LPAR5: variants seen among roughly 807,000 people sequenced by gnomAD.
LPAR5 encodes G protein-coupled receptor 92.
For synonymous variants in LPAR5, 271 were observed against 261.6 expected (o/e 1.04, Z -0.35); for missense variants, 544 against 521.8 (o/e 1.04, Z -0.41).
At chr12:6,633,188 A>G (rs995819020) in intron 1 of LPAR5, among the ~76,000 whole-genome samples, 2 of 152,154 alleles carry the variant, frequency 1.3e-5, no homozygotes, top group African/African-American at 4.8e-5. Flanking sequence ...CGAGAGCTGG[A>G]AAAGCAAGAA....
At chr12:6,633,478 T>C (rs903519626) in intron 1 of LPAR5, among the ~76,000 whole-genome samples, 1 of 151,740 alleles carries the variant, frequency 6.6e-6, no homozygotes, top group Non-Finnish European at 1.5e-5. Flanking sequence ...AGTGGTGCAA[T>C]CTCAGCTCAC....
intron 1 of LPAR5, among the ~76,000 whole-genome samples, chr12:6,628,028 CTT>C (rs71067128): frequency 5.9e-5 from 8 of 134,484 alleles, no homozygotes; most frequent in African/African-American, 2.2e-4. Context: ...TTTCTTTTTT[CTT>C]TTTTTTTTTG....
chr12:6,620,208 G>GGCGGCAT lies in LPAR5; in HGVS notation c.1034_1040dup (p.Ser348CysfsTer96), dbSNP rs1362523421. Reference sequence around the variant, plus strand: ...CGGAGGGTCGGAGCAGCCCCTGACTGGCGGCATCCGGCCTGGTGGCGTCGG... The same window carrying GGCGGCAT: ...CGGAGGGTCGGAGCAGCCCCTGACTGGCGGCATGCGGCATCCGGCCTGGTGGCGTCGG... On this transcript the variant is annotated frameshift_variant, in exon 2 of 2. Coordinates refer to ENST00000329858, the MANE Select transcript of LPAR5 (RefSeq NM_020400.6). LOFTEE classifies it low-confidence loss of function (END_TRUNC). The surrounding 1 kb of genome is among the most constrained non-coding windows in gnomAD (Gnocchi z 6.8). The GGCGGCAT allele has an allele frequency of 6.2e-7, 1 of 1,612,894 alleles. No individual in the cohort carries two copies. Among genetic ancestry groups the GGCGGCAT allele is most frequent in the East Asian group, 2.2e-5 (1 of 44,858 alleles).
In LPAR5 at chr12:6,619,739, C is replaced by T. The variant is rs192776787; in HGVS notation, c.*391G>A. On this transcript the variant is annotated 3_prime_UTR_variant, in exon 2 of 2. Coordinates refer to ENST00000329858, the MANE Select transcript of LPAR5 (RefSeq NM_020400.6). ...ATCTCAGTAGCTTTGTCCACCAAAC[C>T]TGGTGCTCTTCAGCTCTCAGGCCCC... 5.4e-6 allele frequency: 2 copies of T among 372,138 alleles called. No individual in the cohort carries two copies. Among genetic ancestry groups the T allele is most frequent in the Admixed American group, 3.7e-5 (1 of 27,370 alleles). 23.1% of individuals were successfully genotyped at this position (372,138 alleles called of 1,614,324 possible). A position where few individuals can be genotyped will look rare whatever the true frequency, so the allele number is the denominator to read the frequency against.
Position 6,619,831 on chromosome 12 carries a change from C to T in LPAR5, c.*299G>A, listed in dbSNP as rs1592295474. ...TAACCAGCTTTTAGCAGTTTAATGC[C>T]CTGCCCACCCAAAGGCATTTCGTCC... is the stretch of plus-strand genomic sequence containing the variant. On this transcript the variant is annotated 3_prime_UTR_variant, in exon 2 of 2. Coordinates refer to ENST00000329858, the MANE Select transcript of LPAR5 (RefSeq NM_020400.6). The T allele has an allele frequency of 1.8e-6, 1 of 563,836 alleles. No homozygotes were observed. 34.9% of individuals were successfully genotyped at this position (563,836 alleles called of 1,614,324 possible).
At chr12:6,629,975 G>A (rs1232557310) in intron 1 of LPAR5, among the ~76,000 whole-genome samples, 2 of 152,084 alleles carry the variant, frequency 1.3e-5, no homozygotes, top group South Asian at 4.1e-4. Flanking sequence ...AGTGAGCTGA[G>A]ATCGCGCCAC....
At chr12:6,630,872 A>G (rs1485547130) in intron 1 of LPAR5, among the ~76,000 whole-genome samples, 1 of 151,986 alleles carries the variant, frequency 6.6e-6, no homozygotes, top group Non-Finnish European at 1.5e-5. Flanking sequence ...CCCATCCCAC[A>G]CTTCTGCTTC....
At chr12:6,628,301 G>A (rs1013213997) in intron 1 of LPAR5, among the ~76,000 whole-genome samples, 2 of 152,038 alleles carry the variant, frequency 1.3e-5, no homozygotes, top group Non-Finnish European at 2.9e-5. Flanking sequence ...GATTACAGGC[G>A]TGAGCCACCG....
rs1948874303 is a variant in LPAR5 at position 6,620,040 on chromosome 12, C to T, written c.*90G>A. The T allele has an allele frequency of 9.7e-6, 15 of 1,544,334 alleles. No individual in the cohort carries two copies. Among genetic ancestry groups the T allele is most frequent in the Non-Finnish European group, 1.3e-5 (15 of 1,133,750 alleles). On this transcript the variant is annotated 3_prime_UTR_variant, in exon 2 of 2. Coordinates refer to ENST00000329858, the MANE Select transcript of LPAR5 (RefSeq NM_020400.6). This position sits in a 1 kb window ranked among gnomAD's most constrained non-coding sequence, Gnocchi z 6.8. ...AATTGCCACCCAAAGGTCCAAGTGC[C>T]CAGCCCACCTTCTTGTGTGTACACC...
In LPAR5 at chr12:6,619,751, A is replaced by T; in HGVS notation, c.*379T>A. The T allele has an allele frequency of 2.6e-6, 1 of 379,386 alleles. No homozygotes were observed. Among genetic ancestry groups the T allele is most frequent in the Non-Finnish European group, 5.1e-6 (1 of 195,302 alleles). 23.5% of individuals were successfully genotyped at this position (379,386 alleles called of 1,614,324 possible). A position where few individuals can be genotyped will look rare whatever the true frequency, so the allele number is the denominator to read the frequency against. On this transcript the variant is annotated 3_prime_UTR_variant, in exon 2 of 2. Transcript: ENST00000329858. ...TTGTCCACCAAACCTGGTGCTCTTC[A>T]GCTCTCAGGCCCCTGTGGCGGTTTA...
rs1466760103 is a variant in LPAR5, at chr12:6,620,372, C to G, written c.877G>C (p.Asp293His). 6.2e-7 allele frequency: 1 copy of G among 1,611,602 alleles called. No homozygotes were observed. Among genetic ancestry groups the G allele is most frequent in the African/African-American group, 1.3e-5 (1 of 74,914 alleles). The change falls in exon 2 of 2, where the codon GAC (aspartate) becomes CAC (histidine). Residue 293 changes from aspartate (D) to histidine (H), a missense_variant. By Grantham distance (81) the Asp-to-His change is moderately conservative. Coordinates refer to ENST00000329858, the MANE Select transcript of LPAR5 (RefSeq NM_020400.6). The surrounding 1 kb of genome is among the most constrained non-coding windows in gnomAD (Gnocchi z 6.8). ...VLLAGANCVL[D>H]PLVYYFSAEG... ...GCGCTAAAGTAGTACACCAGCGGGT[C>G]CAGCACGCAGTTGGCGCCGGCCAGC...
At chr12:6,630,780 G>A (rs1282680544) in intron 1 of LPAR5, among the ~76,000 whole-genome samples, 2 of 152,052 alleles carry the variant, frequency 1.3e-5, no homozygotes, top group Non-Finnish European at 2.9e-5. Context: ...GGATCCTGGT[G>A]GTCAAAAAGC....
rs746876602 is a variant in LPAR5, at chr12:6,621,083, C to G, written c.166G>C (p.Val56Leu). The G allele has an allele frequency of 3.1e-6, 5 of 1,603,146 alleles. No homozygotes were observed. Among genetic ancestry groups the G allele is most frequent in the Non-Finnish European group, 4.3e-6 (5 of 1,173,794 alleles). ...VFLRALRVHS[V>L]VSVYMCNLAA... is the part of the protein sequence containing the mutation. Reference sequence around the variant, plus strand: ...AGGTTACACATGTACACGCTCACCACCGAGTGCACGCGCAGCGCGCGCAGG... The same window carrying G: ...AGGTTACACATGTACACGCTCACCAGCGAGTGCACGCGCAGCGCGCGCAGG... Residue 56 changes from valine (V) to leucine (L), a missense_variant, in exon 2 of 2, where the codon GTG becomes CTG. Physicochemically the swap from Val to Leu is conservative, Grantham distance 32. Transcript: ENST00000329858.
chr12:6,633,541 T>A (rs1202715555), intron 1 of LPAR5, among the ~76,000 whole-genome samples: 3 of 151,322 alleles, frequency 2.0e-5, no homozygotes, highest in African/African-American at 7.3e-5. Context: ...GTCTCCCGAG[T>A]AGCTGAGACT....
chr12:6,634,819 G>A (rs753267457), intron 1 of LPAR5, among the ~76,000 whole-genome samples: 1 of 151,022 alleles, frequency 6.6e-6, no homozygotes, highest in South Asian at 2.1e-4. Flanking sequence ...GCTGGGCACC[G>A]TGGCTTATGC....
chr12:6,625,457 C>CTT (rs1948929667), intron 1 of LPAR5, among the ~76,000 whole-genome samples: 2 of 143,474 alleles, frequency 1.4e-5, no homozygotes, highest in Non-Finnish European at 3.0e-5. Context: ...CGCGGTGGCT[C>CTT]ATGCCTGTAA....
chr12:6,623,075 T>G (rs547232190), intron 1 of LPAR5, among the ~76,000 whole-genome samples: 3 of 151,846 alleles, frequency 2.0e-5, no homozygotes, highest in Non-Finnish European at 4.4e-5. Flanking sequence ...CTGTCTCTAC[T>G]AAAAATACAA....
In LPAR5 at chr12:6,621,218, A is replaced by T; in HGVS notation, c.31T>A (p.Ser11Thr). Residue 11 changes from serine (S) to threonine (T), a missense_variant, in exon 2 of 2, where the codon TCT becomes ACT. Physicochemically the swap from Ser to Thr is moderately conservative, Grantham distance 58 (BLOSUM62 1). Coordinates refer to ENST00000329858, the MANE Select transcript of LPAR5 (RefSeq NM_020400.6). ...CGGTAGTCAGGACACGGGAGAACAG[A>T]ACTGTTGGTTGAGGAGCTGTTGGCT... MLANSSSTNS[S>T]VLPCPDYRPT... 6.6e-7 allele frequency: 1 copy of T among 1,519,478 alleles called. No individual in the cohort carries two copies. Among genetic ancestry groups the T allele is most frequent in the South Asian group, 1.3e-5 (1 of 75,412 alleles). The allele number at this position is 1,519,478 out of a possible 1,614,324, so 94.1% of individuals were successfully genotyped here.
Position 6,620,926 on chromosome 12 carries a change from C to G in LPAR5, c.323G>C (p.Ser108Thr). Residue 108 changes from serine to threonine, a missense_variant, in exon 2 of 2, where the codon AGC becomes ACC. Ser to Thr is a moderately conservative substitution (Grantham distance 58). Transcript: ENST00000329858. The surrounding 1 kb of genome is among the most constrained non-coding windows in gnomAD (Gnocchi z 6.8). ...GTTGATGAGCATCAGGAAGATGCAGCTGCCGTACATGTTCATCTGGAAGAT... is the reference window on the plus strand; with the variant it reads ...GTTGATGAGCATCAGGAAGATGCAGGTGCCGTACATGTTCATCTGGAAGAT... ...GAIFQMNMYG[S>T]CIFLMLINVD... 1.2e-6 allele frequency: 2 copies of G among 1,605,992 alleles called. No homozygotes were observed. Among genetic ancestry groups the G allele is most frequent in the South Asian group, 1.1e-5 (1 of 89,746 alleles).
Sources: gnomAD v4.1 joint callset for allele counts (sites outside exome capture counted in the v4.1 genomes callset) on GRCh38, gnomAD v4.1.1 for gene constraint, Gnocchi (gnomAD v3.1) non-coding constraint, MANE v1.5 for transcripts, NCBI Gene and HGNC (gene_info 2026-07-23, HGNC 2026-07-21) for gene names.